MARCHF5: variants seen among roughly 807,000 people sequenced by gnomAD.
MARCHF5 encodes membrane associated ring-CH-type finger 5, also known as E3 ubiquitin-protein ligase MARCHF5.
In MARCHF5, 5 loss-of-function variants were observed where a neutral mutation model predicts 36.5. The observed-to-expected ratio is 0.14, with a 90% CI of 0.07 to 0.29. The LOEUF is 0.29. Ranked by LOEUF, MARCHF5 falls within the 10% of genes least tolerant of loss-of-function variation. MARCHF5 has a pLI of 1.00. For missense variants in MARCHF5, 179 were observed against 336.3 expected, an observed-to-expected ratio of 0.53 and a Z score of 3.66; for synonymous variants, 103 against 109.9, an observed-to-expected ratio of 0.94 and a Z score of 0.39.
intron 2 of MARCHF5, among the ~76,000 whole-genome samples, chr10:92,331,577 G>A (rs77352868): frequency 0.077 from 11,677 of 151,928 alleles, 619 homozygotes; most frequent in East Asian, 0.19. Flanking sequence ...CTAGGGGGCA[G>A]CAGCTAGTGT....
chr10:92,291,491 G>A lies in MARCHF5; in HGVS notation c.-4G>A. 3.9e-6 allele frequency: 6 copies of A among 1,548,738 alleles called. No individual in the cohort carries two copies. The highest frequency in any genetic ancestry group is 1.7e-4 in the Middle Eastern group (1 of 5,862). ...GAAGGCCGTGTGCGCCGGCTCCGCG[G>A]AAGATGCCGGACCAAGCCCTACAGC... On this transcript the variant is annotated 5_prime_UTR_variant, in exon 1 of 6. Coordinates refer to ENST00000358935, the MANE Select transcript of MARCHF5 (RefSeq NM_017824.5).
At chr10:92,348,505 A>T (rs1268052053) in intron 3 of MARCHF5, among the ~76,000 whole-genome samples, 1 of 152,116 alleles carries the variant, frequency 6.6e-6, no homozygotes, top group Non-Finnish European at 1.5e-5. Flanking sequence ...AACAACAAAA[A>T]GAGGTAAATT....
rs1843721600 is a variant in MARCHF5 at position 92,352,020 on chromosome 10, CAGTTTATAGT to C, written c.*819_*828del. ...CCATATTTCTAGAAATTACAGCTGC[CAGTTTATAGT>C]AGTTTGAGCAGAGGATGATTTGCAA... On this transcript the variant is annotated 3_prime_UTR_variant, in exon 6 of 6. Coordinates refer to ENST00000358935, the MANE Select transcript of MARCHF5 (RefSeq NM_017824.5). 1 of 151,960 alleles carries C rather than the reference CAGTTTATAGT, an allele frequency of 6.6e-6. No homozygotes were observed. 9.4% of individuals were successfully genotyped at this position (151,960 alleles called of 1,614,324 possible).
At chr10:92,311,051 C>T (rs1174592498) in intron 1 of MARCHF5, 84 bp from the exon 2 acceptor site, 4 of 944,380 alleles carry the variant, frequency 4.2e-6, no homozygotes, top group South Asian at 1.5e-5. Context: ...ATAGCAGGCT[C>T]ATCCCATTAA....
At chr10:92,310,095 G>A (rs1843125959) in intron 1 of MARCHF5, among the ~76,000 whole-genome samples, 3 of 152,138 alleles carry the variant, frequency 2.0e-5, no homozygotes, top group Admixed American at 2.0e-4. Flanking sequence ...AATTCATGTT[G>A]TTCCACAAGG....
chr10:92,312,678 A>G (rs1436159808), intron 2 of MARCHF5, among the ~76,000 whole-genome samples: 1 of 152,240 alleles, frequency 6.6e-6, no homozygotes, highest in African/African-American at 2.4e-5. Context: ...CCTTTGAATT[A>G]TAGAGTTGGG....
intron 2 of MARCHF5, among the ~76,000 whole-genome samples, chr10:92,324,318 C>T (rs965753461): frequency 6.6e-6 from 1 of 152,122 alleles, no homozygotes; most frequent in Non-Finnish European, 1.5e-5. Flanking sequence ...TGGTTGTCTT[C>T]TCATTCTCTT....
chr10:92,318,264 T>G (rs1843239302), intron 2 of MARCHF5, among the ~76,000 whole-genome samples: 1 of 147,870 alleles, frequency 6.8e-6, no homozygotes, highest in African/African-American at 2.5e-5. Flanking sequence ...CCATCTCTAC[T>G]AAAAATACAA....
At chr10:92,309,523 T>G (rs535110452) in intron 1 of MARCHF5, among the ~76,000 whole-genome samples, 62 of 152,214 alleles carry the variant, frequency 4.1e-4, no homozygotes, top group South Asian at 3.1e-3. Context: ...GACTAAAGAG[T>G]CTCTAAATAT....
chr10:92,312,972 A>C (rs1033416194), intron 2 of MARCHF5, among the ~76,000 whole-genome samples: 7 of 152,270 alleles, frequency 4.6e-5, no homozygotes, highest in African/African-American at 2.4e-5. Flanking sequence ...GTGGCGGCTC[A>C]CGCCTGTAAT....
intron 3 of MARCHF5, among the ~76,000 whole-genome samples, chr10:92,344,152 C>T (rs1183310905): frequency 1.3e-5 from 2 of 152,056 alleles, no homozygotes; most frequent in Non-Finnish European, 2.9e-5. Context: ...TAATGGGGCA[C>T]TTGTTAAAAC....
chr10:92,313,214 A>G (rs1042309556), intron 2 of MARCHF5, among the ~76,000 whole-genome samples: 3 of 152,160 alleles, frequency 2.0e-5, no homozygotes, highest in Non-Finnish European at 2.9e-5. Context: ...AGCCTGGGCG[A>G]CAGAGCCGAG....
chr10:92,346,492 CT>C (rs763991703), intron 3 of MARCHF5, among the ~76,000 whole-genome samples: 997 of 88,322 alleles, frequency 0.011, 5 homozygotes, highest in African/African-American at 0.037. Context: ...CTATTTCCTT[CT>C]TTTTTTTTTT....
At chr10:92,322,161 T>G (rs1321494188) in intron 2 of MARCHF5, among the ~76,000 whole-genome samples, 1 of 142,088 alleles carries the variant, frequency 7.0e-6, no homozygotes, top group Non-Finnish European at 1.5e-5. Context: ...GCAGAATCAC[T>G]TGAACCCAGG....
intron 3 of MARCHF5, among the ~76,000 whole-genome samples, chr10:92,348,756 A>C (rs1354836274): frequency 6.6e-6 from 1 of 152,056 alleles, no homozygotes; most frequent in Non-Finnish European, 1.5e-5. Flanking sequence ...TGGACCTCCT[A>C]CTACAGTCCC....
chr10:92,310,359 CTG>C (rs1023880744), intron 1 of MARCHF5, among the ~76,000 whole-genome samples: 1 of 152,148 alleles, frequency 6.6e-6, no homozygotes, highest in Non-Finnish European at 1.5e-5. Flanking sequence ...GGGAGAAAAA[CTG>C]AGGAATTACA....
rs377726294 is a variant in MARCHF5, at chr10:92,351,180, G to T, written c.810G>T (p.Leu270=). The part of the protein sequence containing the change: ...QYLRQAHRKI[L]NYPEQEEA ...TACGACAGGCACACCGCAAAATTCT[G>T]AATTATCCAGAACAAGAAGAAGCAT... Residue 270 remains leucine, a synonymous_variant, in exon 6 of 6, where the codon CTG becomes CTT. Coordinates refer to ENST00000358935, the MANE Select transcript of MARCHF5 (RefSeq NM_017824.5). 6.2e-7 allele frequency: 1 copy of T among 1,611,848 alleles called. No individual in the cohort carries two copies. The highest frequency in any genetic ancestry group is 8.5e-7 in the Non-Finnish European group (1 of 1,178,428).
intron 2 of MARCHF5, among the ~76,000 whole-genome samples, chr10:92,319,718 A>G (rs1314661521): frequency 7.0e-6 from 1 of 143,232 alleles, no homozygotes; most frequent in East Asian, 2.2e-4. Context: ...GCAGTGGCGC[A>G]ATCTCGGCTC....
intron 1 of MARCHF5, among the ~76,000 whole-genome samples, chr10:92,298,194 A>G (rs2135175523): frequency 6.6e-6 from 1 of 152,354 alleles, no homozygotes; most frequent in East Asian, 1.9e-4. Context: ...GTATATGTAT[A>G]CTAAAGGTCA....
Sources: allele counts gnomAD v4.1 joint callset (sites outside exome capture counted in the v4.1 genomes callset), GRCh38; gene constraint gnomAD v4.1.1; transcripts MANE v1.5; gene names NCBI Gene and HGNC (gene_info 2026-07-23, HGNC 2026-07-21).